SH3GLB2: variants seen among roughly 807,000 people sequenced by gnomAD.
SH3GLB2 encodes the protein endophilin-B2.
A neutral mutation model predicts 48.0 loss-of-function variants in SH3GLB2; 24 were observed. That is an observed-to-expected ratio of 0.50 (90% confidence interval 0.36 to 0.70). SH3GLB2 has a LOEUF of 0.70. Ranked by LOEUF, SH3GLB2 falls within the 30% of genes least tolerant of loss-of-function variation. The pLI is 0.00. For missense variants in SH3GLB2, 425 were observed against 516.0 expected (o/e 0.82, Z 1.71); for synonymous variants, 227 against 207.6 (o/e 1.09, Z -0.80).
In SH3GLB2 at chr9:129,028,129, G is replaced by A; in HGVS notation, c.26C>T (p.Ala9Val). 2 of 1,496,308 alleles carry A rather than the reference G, an allele frequency of 1.3e-6. No homozygotes were observed. Among genetic ancestry groups the A allele is most frequent in the Admixed American group, 2.2e-5 (1 of 45,098 alleles). 92.7% of individuals were successfully genotyped at this position (1,496,308 alleles called of 1,614,324 possible). A position where few individuals can be genotyped will look rare whatever the true frequency, so the allele number is the denominator to read the frequency against. Reference sequence around the variant, plus strand: ...GGTGAAGAAGATGCCCGCGTCCGACGCCAGCTTCTTCATGTTGAAGTCCAT... The same window carrying A: ...GGTGAAGAAGATGCCCGCGTCCGACACCAGCTTCTTCATGTTGAAGTCCAT... MDFNMKKL[A>V]SDAGIFFTRA... The change falls in exon 1 of 11, where the codon GCG becomes GTG. Residue 9 changes from alanine to valine, a missense_variant. Transcript: ENST00000372564.
chr9:129,015,869 A>C, intron 3 of SH3GLB2: 1 of 322,846 alleles, frequency 3.1e-6, no homozygotes, highest in East Asian at 1.0e-4. Flanking sequence ...TCCTGTCTTT[A>C]AAAAAAAGAA....
chr9:129,020,400 C>G (rs1843713215), intron 3 of SH3GLB2, among the ~76,000 whole-genome samples: 1 of 151,048 alleles, frequency 6.6e-6, no homozygotes, highest in South Asian at 2.1e-4. Context: ...GAAACCCTGC[C>G]TCTACTAAAA....
In SH3GLB2 at chr9:129,014,144, G is replaced by A; in HGVS notation, c.561+267C>T. 1.6e-6 allele frequency: 1 copy of A among 616,562 alleles called. No individual in the cohort carries two copies. The highest frequency in any genetic ancestry group is 3.1e-5 in the East Asian group (1 of 32,394). 38.2% of individuals were successfully genotyped at this position (616,562 alleles called of 1,614,324 possible). A position where few individuals can be genotyped will look rare whatever the true frequency, so the allele number is the denominator to read the frequency against. On this transcript the variant is annotated intron_variant, in intron 5 of 10. Transcript: ENST00000372564. The surrounding 1 kb of genome is among the most constrained non-coding windows in gnomAD (Gnocchi z 4.1). ...AGGGCAGGGCATGCAGGAGACTCCA[G>A]CTGCCTGGCGGGGTGGTGCACCCAG...
At position 129,012,928 on chromosome 9, in the gene SH3GLB2, G is replaced by C. The variant is rs888485670; in HGVS notation, c.562-630C>G. The C allele has an allele frequency of 2.6e-6, 4 of 1,531,674 alleles. No individual in the cohort carries two copies. The East Asian group carries it at 7.3e-5, about 28-fold the overall frequency. The allele number at this position is 1,531,674 out of a possible 1,614,324, so 94.9% of individuals were successfully genotyped here. ...TGCTTGCAAAATGCCCCAAGGACGT[G>C]GGCTGGCCATGGCACCGTGGGTCCA... On this transcript the variant is annotated intron_variant, in intron 5 of 10. Transcript: ENST00000372564.
intron 8 of SH3GLB2, 94 bp downstream of exon 8, chr9:129,010,026 G>A (rs1843018720): frequency 7.0e-7 from 1 of 1,421,178 alleles, no homozygotes; most frequent in African/African-American, 1.4e-5. Flanking sequence ...GCTCTGTGAG[G>A]GCCATTCTGG....
chr9:129,009,038 C>G lies in SH3GLB2; in HGVS notation c.1080+68G>C. 6 of 1,593,400 alleles carry G rather than the reference C, an allele frequency of 3.8e-6. No individual in the cohort carries two copies. In the South Asian group the frequency reaches 6.7e-5, roughly 18 times the overall value. On this transcript the variant is annotated intron_variant, in intron 10 of 10. Coordinates refer to ENST00000372564, the MANE Select transcript of SH3GLB2 (RefSeq NM_020145.4). ...CAGGGCCCCTCCAGGCCCCATGTGC[C>G]TGATCCCAGTGCCCAGGCTGCTCCT...
Position 129,028,102 on chromosome 9 carries a change from C to G in SH3GLB2, c.53G>C (p.Arg18Pro). 1 of 1,501,038 alleles carries G rather than the reference C, an allele frequency of 6.7e-7. No homozygotes were observed. Among genetic ancestry groups the G allele is most frequent in the Non-Finnish European group, 8.9e-7 (1 of 1,127,910 alleles). The allele number at this position is 1,501,038 out of a possible 1,614,324, so 93.0% of individuals were successfully genotyped here. A position where few individuals can be genotyped will look rare whatever the true frequency, so the allele number is the denominator to read the frequency against. ...GACGCCAGGCCTCACCTGCACCGCCCGGGTGAAGAAGATGCCCGCGTCCGA... is the reference window on the plus strand; with the variant it reads ...GACGCCAGGCCTCACCTGCACCGCCGGGGTGAAGAAGATGCCCGCGTCCGA... ...LASDAGIFFT[R>P]AVQFTEEKFG... The change falls in exon 1 of 11, where the codon CGG becomes CCG. Residue 18 changes from arginine (R) to proline (P), a missense_variant. Physicochemically the swap from Arg to Pro is moderately radical, Grantham distance 103. Coordinates refer to ENST00000372564, the MANE Select transcript of SH3GLB2 (RefSeq NM_020145.4).
At chr9:129,016,342 TAAAAAAAAAAAAAAAAAAAAA>T (rs57505648) in intron 3 of SH3GLB2, among the ~76,000 whole-genome samples, 1 of 34,074 alleles carries the variant, frequency 2.9e-5, no homozygotes, top group Non-Finnish European at 5.6e-5. Flanking sequence ...AGACTGTCTT[TAAAAAAAAAAAAAAAAAAAAA>T]AAAAAAAAAA....
At position 129,009,589 on chromosome 9, in the gene SH3GLB2, CGTCA is replaced by C. The variant is rs972671858; in HGVS notation, c.839+178_839+181del. 2.7e-5 allele frequency: 41 copies of C among 1,517,366 alleles called. No homozygotes were observed. In the African/African-American group the frequency reaches 4.6e-4, roughly 17 times the overall value. 94.0% of individuals were successfully genotyped at this position (1,517,366 alleles called of 1,614,324 possible). ...CCTCAGGGGCTCCAGGGGACTTGGC[CGTCA>C]GTAAGGCCAGCCACTCCACCCTCAT... On this transcript the variant is annotated intron_variant, in intron 9 of 10. Transcript: ENST00000372564.
intron 3 of SH3GLB2, among the ~76,000 whole-genome samples, chr9:129,017,901 CAAAAAAAA>C (rs900509486): frequency 1.5e-5 from 1 of 64,768 alleles, no homozygotes; most frequent in Admixed American, 1.9e-4. Context: ...CCGTCTCAAA[CAAAAAAAA>C]AAAAAAAAAA....
In SH3GLB2 at chr9:129,014,373, C is replaced by A. The variant is rs1401070323; in HGVS notation, c.561+38G>T. 1 of 1,537,944 alleles carries A rather than the reference C, an allele frequency of 6.5e-7. No homozygotes were observed. On this transcript the variant is annotated intron_variant, in intron 5 of 10. Coordinates refer to ENST00000372564, the MANE Select transcript of SH3GLB2 (RefSeq NM_020145.4). This position sits in a 1 kb window ranked among gnomAD's most constrained non-coding sequence, Gnocchi z 4.1. ...CACCACCCCTTGGCTCCAGCCAGAG[C>A]CTGGGCCAGGAGGCCAGCGGGGAGC...
Position 129,014,327 on chromosome 9 carries a change from A to G in SH3GLB2, c.561+84T>C. On this transcript the variant is annotated intron_variant, in intron 5 of 10. Transcript: ENST00000372564. This position sits in a 1 kb window ranked among gnomAD's most constrained non-coding sequence, Gnocchi z 4.1. Reference sequence around the variant, plus strand: ...AGGGAGAGGGGAGAGAGGTCATGCCAAATACCAGGTCCCTTCATGCCACCA... The same window carrying G: ...AGGGAGAGGGGAGAGAGGTCATGCCGAATACCAGGTCCCTTCATGCCACCA... 1.5e-6 allele frequency: 2 copies of G among 1,294,608 alleles called. No homozygotes were observed. Among genetic ancestry groups the G allele is most frequent in the South Asian group, 2.6e-5 (2 of 78,216 alleles). The allele number at this position is 1,294,608 out of a possible 1,614,324, so 80.2% of individuals were successfully genotyped here. A position where few individuals can be genotyped will look rare whatever the true frequency, so the allele number is the denominator to read the frequency against.
intron 1 of SH3GLB2, among the ~76,000 whole-genome samples, chr9:129,025,124 G>T (rs1363351393): frequency 1.4e-5 from 2 of 143,524 alleles, no homozygotes; most frequent in East Asian, 2.1e-4. Context: ...AAAAATACAA[G>T]AATTAGCATG....
intron 8 of SH3GLB2, 60 bp from the exon 9 acceptor site, chr9:129,009,931 G>A (rs1195846567): frequency 1.4e-5 from 21 of 1,520,466 alleles, no homozygotes; most frequent in African/African-American, 6.8e-5. Flanking sequence ...AAAAAATTCC[G>A]TCCCCATCCC....
intron 2 of SH3GLB2, 144 bp from the exon 3 acceptor site, chr9:129,021,363 G>A (rs1186333219): frequency 2.3e-5 from 24 of 1,037,896 alleles, no homozygotes; most frequent in East Asian, 1.3e-4. Context: ...GCCCAACCCT[G>A]AGACTGTTGT....
chr9:129,008,522 A>T lies in SH3GLB2; in HGVS notation c.*162T>A. On this transcript the variant is annotated 3_prime_UTR_variant, in exon 11 of 11. Coordinates refer to ENST00000372564, the MANE Select transcript of SH3GLB2 (RefSeq NM_020145.4). ...GGCTGGGGGAGGGGTGGAGCCATTC[A>T]GCCTCAGGCACCCTCACAGCTAGGT... 1.6e-6 allele frequency: 1 copy of T among 609,586 alleles called. No individual in the cohort carries two copies. Among genetic ancestry groups the T allele is most frequent in the Non-Finnish European group, 3.0e-6 (1 of 336,622 alleles). 37.8% of individuals were successfully genotyped at this position (609,586 alleles called of 1,614,324 possible).
chr9:129,012,071 G>GT, intron 6 of SH3GLB2, 165 bp downstream of exon 6: 1 of 419,386 alleles, frequency 2.4e-6, no homozygotes, highest in Non-Finnish European at 4.1e-6. Context: ...GTGGACAGAG[G>GT]TGGGGGCTGC....
Position 129,014,024 on chromosome 9 carries a change from C to A in SH3GLB2, c.561+387G>T. On this transcript the variant is annotated intron_variant, in intron 5 of 10. Coordinates refer to ENST00000372564, the MANE Select transcript of SH3GLB2 (RefSeq NM_020145.4). This position sits in a 1 kb window ranked among gnomAD's most constrained non-coding sequence, Gnocchi z 4.1. ...TCGTGGGGGCGCCTGAGCACAGGGA[C>A]CCTCGGCCTGACGTTCAAGCAGCAA... The A allele has an allele frequency of 4.2e-6, 2 of 475,532 alleles. No homozygotes were observed. The highest frequency in any genetic ancestry group is 8.3e-6 in the Non-Finnish European group (2 of 240,036). The allele number at this position is 475,532 out of a possible 1,614,324, so 29.5% of individuals were successfully genotyped here.
chr9:129,008,784 GTGA>G lies in SH3GLB2; in HGVS notation c.1085_1087del (p.Ile362del). 1 of 1,613,936 alleles carries G rather than the reference GTGA, an allele frequency of 6.2e-7. No homozygotes were observed. ...GTCCATGCCAGGCAGGCTGTAGACA[GTGA>G]TGAGCTGCAGAGATGGCAGTAGAGG... On this transcript the variant is annotated inframe_deletion, in exon 11 of 11. Transcript: ENST00000372564.
Sources: gnomAD v4.1 joint callset for allele counts (sites outside exome capture counted in the v4.1 genomes callset) on GRCh38, gnomAD v4.1.1 for gene constraint, Gnocchi (gnomAD v3.1) non-coding constraint, MANE v1.5 for transcripts, NCBI Gene and HGNC (gene_info 2026-07-23, HGNC 2026-07-21) for gene names.